Variants in ZEB1 observed in about 807,000 individuals in gnomAD.
The protein encoded by ZEB1 is zinc finger E-box binding homeobox 1, also known as zinc finger E-box-binding homeobox 1.
A neutral mutation model predicts 84.9 loss-of-function variants in ZEB1; 21 were observed. The observed-to-expected ratio is 0.25, with a 90% CI of 0.18 to 0.36. The LOEUF (loss-of-function observed/expected upper bound fraction) is 0.36. ZEB1 is among the 10% of genes least tolerant of loss of function. ZEB1 has a pLI of 1.00. For missense variants in ZEB1, 1,104 were observed against 1,330.2 expected, an observed-to-expected ratio of 0.83 and a Z score of 2.65; for synonymous variants, 420 against 471.1, an observed-to-expected ratio of 0.89 and a Z score of 1.41.
rs1209180157 is a variant in ZEB1, at chr10:31,444,796, A to G, written c.59-16241A>G. On this transcript the variant is annotated intron_variant, in intron 1 of 8. Transcript: ENST00000424869. ...ATATCTCTGTTTTGGTACCAGTACC[A>G]TGCTGTTTTGGTTACTGTAGCCTTG... is the stretch of plus-strand genomic sequence containing the variant. Among the ~76,000 whole-genome samples the G allele has an allele frequency of 4.6e-5, 7 of 151,160 alleles. No homozygotes were observed. The East Asian group carries it at 1.4e-3, about 29-fold the overall frequency.
rs1472666769 is a variant in ZEB1, at chr10:31,493,374, CAA to C, written c.260-2400_260-2399del. ...TCCATTATGTTTCATTTTGAAAAAA[CAA>C]AGTCTTACTACTCAGGCATTTTTCT... On this transcript the variant is annotated intron_variant, in intron 2 of 8. Transcript: ENST00000424869. 9.9e-5 allele frequency among the ~76,000 whole-genome samples: 15 copies of C among 151,828 alleles called. 1 individual carries two copies.
At chr10:31,514,566 T>C (rs755257960) in intron 5 of ZEB1, 37 bp from the exon 6 acceptor site, 2 of 1,573,052 alleles carry the variant, frequency 1.3e-6, no homozygotes, top group Non-Finnish European at 1.7e-6. Context: ...TAAAGATCTT[T>C]TGCTTTTCAA....
chr10:31,406,686 C>T (rs566587701), intron 1 of ZEB1, among the ~76,000 whole-genome samples: 1 of 152,110 alleles, frequency 6.6e-6, no homozygotes, highest in Non-Finnish European at 1.5e-5. Context: ...TGCAGAAGCT[C>T]TTTAGTTTAA....
At chr10:31,386,528 G>C (rs2048670566) in intron 1 of ZEB1, among the ~76,000 whole-genome samples, 1 of 151,744 alleles carries the variant, frequency 6.6e-6, no homozygotes, top group South Asian at 2.1e-4. Context: ...TATGTACCAG[G>C]ACCTATTTAA....
intron 1 of ZEB1, among the ~76,000 whole-genome samples, chr10:31,393,828 A>G (rs973498897): frequency 6.6e-6 from 1 of 152,180 alleles, no homozygotes; most frequent in Non-Finnish European, 1.5e-5. Flanking sequence ...TGTATAAACA[A>G]TTTAATGTTT....
At chr10:31,375,544 A>G (rs1407458664) in intron 1 of ZEB1, among the ~76,000 whole-genome samples, 1 of 151,846 alleles carries the variant, frequency 6.6e-6, no homozygotes, top group Non-Finnish European at 1.5e-5. Context: ...TCTTTTATCA[A>G]AATGAATTTG....
chr10:31,399,692 G>A (rs1418074551), intron 1 of ZEB1, among the ~76,000 whole-genome samples: 1 of 152,094 alleles, frequency 6.6e-6, no homozygotes, highest in Non-Finnish European at 1.5e-5. Flanking sequence ...TTAAATATAA[G>A]CCATATTATG....
At chr10:31,450,044 A>AC (rs2060359646) in intron 1 of ZEB1, among the ~76,000 whole-genome samples, 3 of 152,200 alleles carry the variant, frequency 2.0e-5, no homozygotes, top group Admixed American at 2.0e-4. Context: ...CCATGCTCCT[A>AC]CTTCTCTATA....
At chr10:31,418,782 A>G (rs189513957) in intron 1 of ZEB1, among the ~76,000 whole-genome samples, 8 of 152,212 alleles carry the variant, frequency 5.3e-5, no homozygotes, top group Admixed American at 1.3e-4. Context: ...ACTTTCATCT[A>G]TTCAACAAAA....
At position 31,381,460 on chromosome 10, in the gene ZEB1, CAAAT is replaced by C. The variant is rs2047615622; in HGVS notation, c.58+62172_58+62175del. 2.6e-5 allele frequency among the ~76,000 whole-genome samples: 4 copies of C among 151,970 alleles called. No individual in the cohort carries two copies. The South Asian group carries it at 8.3e-4, about 32-fold the overall frequency. ...GTGTATTTGAAACAATTTTAAGATTCAAATAAAAGCAGAGAAACTGTTTCTAAAT... is the reference window on the plus strand; with the variant it reads ...GTGTATTTGAAACAATTTTAAGATTCAAAAGCAGAGAAACTGTTTCTAAAT... On this transcript the variant is annotated intron_variant, in intron 1 of 8. Transcript: ENST00000424869.
intron 1 of ZEB1, among the ~76,000 whole-genome samples, chr10:31,415,678 C>T (rs920858844): frequency 6.6e-6 from 1 of 151,974 alleles, no homozygotes; most frequent in Non-Finnish European, 1.5e-5. Flanking sequence ...AAGGATTGTT[C>T]TAAATATATA....
At chr10:31,373,033 C>T in intron 1 of ZEB1, 1 of 985,334 alleles carries the variant, frequency 1.0e-6, no homozygotes, top group Non-Finnish European at 1.2e-6. Context: ...AGTTTAAATT[C>T]TCAACTGGCA....
intron 2 of ZEB1, among the ~76,000 whole-genome samples, chr10:31,490,402 G>A (rs1042798403): frequency 3.3e-5 from 5 of 151,604 alleles, no homozygotes; most frequent in Middle Eastern, 3.4e-3. Context: ...CTTATTCAAA[G>A]TGGATAGTTT....
chr10:31,327,567 A>G (rs1038438285), intron 1 of ZEB1, among the ~76,000 whole-genome samples: 35 of 152,270 alleles, frequency 2.3e-4, no homozygotes, highest in Non-Finnish European at 4.7e-4. Flanking sequence ...ATTGACTCCA[A>G]TTCTTAGATA....
At chr10:31,343,321 T>G (rs1244958701) in intron 1 of ZEB1, among the ~76,000 whole-genome samples, 1 of 152,138 alleles carries the variant, frequency 6.6e-6, no homozygotes, top group African/African-American at 2.4e-5. Context: ...GATATTTCAT[T>G]TGCTTTTAAA....
chr10:31,419,084 G>C (rs1029859471), intron 1 of ZEB1, among the ~76,000 whole-genome samples: 2 of 152,138 alleles, frequency 1.3e-5, no homozygotes, highest in Admixed American at 1.3e-4. Flanking sequence ...GGAGTTTCCA[G>C]TATAATGCCA....
chr10:31,325,968 T>G (rs2035391753), intron 1 of ZEB1, among the ~76,000 whole-genome samples: 1 of 79,894 alleles, frequency 1.3e-5, no homozygotes, highest in Admixed American at 1.0e-4. Flanking sequence ...TGGTTTTGGG[T>G]TTTTTTTTTT....
At chr10:31,449,689 C>A (rs1386675451) in intron 1 of ZEB1, among the ~76,000 whole-genome samples, 1 of 152,094 alleles carries the variant, frequency 6.6e-6, no homozygotes, top group Non-Finnish European at 1.5e-5. Context: ...ATTTCCATTT[C>A]TGTAGCTTCA....
At chr10:31,375,963 A>G (rs939772771) in intron 1 of ZEB1, among the ~76,000 whole-genome samples, 14 of 151,722 alleles carry the variant, frequency 9.2e-5, no homozygotes, top group African/African-American at 3.4e-4. Context: ...TATTTGAAGG[A>G]AATTTATGTC....
Sources: allele counts gnomAD v4.1 joint callset (sites outside exome capture counted in the v4.1 genomes callset), GRCh38; gene constraint gnomAD v4.1.1; transcripts MANE v1.5; gene names NCBI Gene and HGNC (gene_info 2026-07-23, HGNC 2026-07-21).